The following ARID5B variants were observed in gnomAD, a reference collection of about 807,000 sequenced individuals.
ARID5B encodes the protein AT-rich interaction domain 5B.
In ARID5B, 13 loss-of-function variants were observed where a neutral mutation model predicts 97.2. That is an observed-to-expected ratio of 0.13 (90% CI 0.09 to 0.21). The LOEUF is 0.21. ARID5B is among the 10% of genes least tolerant of loss of function. The pLI, the probability that ARID5B is intolerant of heterozygous loss-of-function variation, is 1.00. For synonymous variants in ARID5B, 556 were observed against 570.3 expected (o/e 0.97, Z 0.36); for missense variants, 1,210 against 1,465.3 (o/e 0.83, Z 2.84).
rs149399114 is a variant in ARID5B, at chr10:61,969,754, G to C, written c.502+29346G>C. Among the ~76,000 whole-genome samples, 711 of 152,240 alleles carry C rather than the reference G, an allele frequency of 4.7e-3. 3 individuals carry two copies. The highest frequency in any genetic ancestry group is 7.5e-3 in the South Asian group (36 of 4,822). The stretch of plus-strand genomic sequence containing the variant: ...TTCATATTCTATTGTCTCACAATCA[G>C]AATAAATTGGCATTTTCCTCACTCA... On this transcript the variant is annotated intron_variant, in intron 3 of 9. Coordinates refer to ENST00000279873, the MANE Select transcript of ARID5B (RefSeq NM_032199.3).
At chr10:62,060,645 G>T (rs546394127) in intron 7 of ARID5B, among the ~76,000 whole-genome samples, 1 of 151,942 alleles carries the variant, frequency 6.6e-6, no homozygotes, top group Non-Finnish European at 1.5e-5. Context: ...CCTCATTCAT[G>T]TAAAAAAAAA....
intron 3 of ARID5B, among the ~76,000 whole-genome samples, chr10:61,988,355 T>G (rs1476828026): frequency 1.3e-5 from 2 of 152,250 alleles, no homozygotes; most frequent in Non-Finnish European, 2.9e-5. Context: ...TGGCACCAAG[T>G]GAACCTGTAG....
chr10:61,996,229 G>A (rs1838993827), intron 3 of ARID5B, among the ~76,000 whole-genome samples: 1 of 152,120 alleles, frequency 6.6e-6, no homozygotes, highest in African/African-American at 2.4e-5. Flanking sequence ...AACCTAAGGA[G>A]AGTAGAATTC....
chr10:61,912,648 G>A (rs1245918402), intron 2 of ARID5B, among the ~76,000 whole-genome samples: 1 of 149,222 alleles, frequency 6.7e-6, no homozygotes, highest in Non-Finnish European at 1.5e-5. Context: ...ATAATTATGT[G>A]TGTATATATA....
chr10:61,975,901 C>T (rs1015599593), intron 3 of ARID5B, among the ~76,000 whole-genome samples: 1 of 152,130 alleles, frequency 6.6e-6, no homozygotes, highest in Admixed American at 6.5e-5. Context: ...ATAGCTATTT[C>T]TTTGTATTTA....
At chr10:61,977,062 A>T (rs1838710447) in intron 3 of ARID5B, among the ~76,000 whole-genome samples, 1 of 151,954 alleles carries the variant, frequency 6.6e-6, no homozygotes, top group Non-Finnish European at 1.5e-5. Context: ...TCCTGTGTCC[A>T]AGTGTTCTCA....
chr10:62,043,365 C>G (rs1441248965), intron 4 of ARID5B, among the ~76,000 whole-genome samples: 2 of 152,128 alleles, frequency 1.3e-5, no homozygotes, highest in Non-Finnish European at 2.9e-5. Flanking sequence ...TTGTGGACAC[C>G]CCTATTATAC....
chr10:62,050,831 A>G (rs959803267), intron 4 of ARID5B, 57 bp from the exon 5 acceptor site: 6 of 1,449,454 alleles, frequency 4.1e-6, no homozygotes, highest in Non-Finnish European at 4.8e-6. Context: ...CTGGGTCTTT[A>G]ATAAAGAAAC....
chr10:62,028,624 A>G (rs957614630), intron 4 of ARID5B, among the ~76,000 whole-genome samples: 3 of 152,068 alleles, frequency 2.0e-5, no homozygotes, highest in African/African-American at 7.2e-5. Flanking sequence ...CTTCAAGGGG[A>G]TATATTATAT....
At chr10:61,991,615 C>T (rs150099433) in intron 3 of ARID5B, among the ~76,000 whole-genome samples, 1 of 152,284 alleles carries the variant, frequency 6.6e-6, no homozygotes, top group African/African-American at 2.4e-5. Context: ...TCCCCCTCTC[C>T]AAGACTGTCT....
At chr10:61,906,247 A>G (rs2132752184) in intron 2 of ARID5B, among the ~76,000 whole-genome samples, 1 of 152,254 alleles carries the variant, frequency 6.6e-6, no homozygotes, top group Non-Finnish European at 1.5e-5. Context: ...GTCTGTGTGG[A>G]GGTTCTTGGA....
At chr10:62,008,061 A>AACACACACACACACACACAC (rs369982502) in intron 4 of ARID5B, among the ~76,000 whole-genome samples, 5 of 66,530 alleles carry the variant, frequency 7.5e-5, no homozygotes, top group African/African-American at 2.8e-4. Flanking sequence ...CCCGCCCCAC[A>AACACACACACACACACACAC]ACACACACAC....
intron 3 of ARID5B, among the ~76,000 whole-genome samples, chr10:61,979,987 G>T (rs781638613): frequency 1.3e-5 from 2 of 152,156 alleles, no homozygotes; most frequent in Non-Finnish European, 1.5e-5. Flanking sequence ...CAGTTACTCA[G>T]GAGGCTGAGG....
At chr10:62,026,534 C>T (rs898308318) in intron 4 of ARID5B, among the ~76,000 whole-genome samples, 2 of 152,188 alleles carry the variant, frequency 1.3e-5, no homozygotes, top group African/African-American at 4.8e-5. Flanking sequence ...ATGAATCCTT[C>T]TTGTCAGATT....
rs1479332809 is a variant in ARID5B, at chr10:62,096,277, G to A, written c.*3247G>A. 4.3e-6 allele frequency: 1 copy of A among 233,528 alleles called. No homozygotes were observed. Among genetic ancestry groups the A allele is most frequent in the African/African-American group, 2.2e-5 (1 of 45,304 alleles). 14.5% of individuals were successfully genotyped at this position (233,528 alleles called of 1,614,324 possible). Reference sequence around the variant, plus strand: ...ATTTCACTGTGTTGGTGTGTCTGATGGAAATTTCGAGGTGGTCCCACAAAA... The same window carrying A: ...ATTTCACTGTGTTGGTGTGTCTGATAGAAATTTCGAGGTGGTCCCACAAAA... On this transcript the variant is annotated 3_prime_UTR_variant, in exon 10 of 10. Transcript: ENST00000279873.
chr10:62,050,366 C>T (rs1459272874), intron 4 of ARID5B, among the ~76,000 whole-genome samples: 1 of 152,060 alleles, frequency 6.6e-6, no homozygotes, highest in Non-Finnish European at 1.5e-5. Context: ...TGTGAATGCC[C>T]CTCTCTCTAT....
intron 3 of ARID5B, among the ~76,000 whole-genome samples, chr10:61,990,108 C>T (rs544090354): frequency 1.5e-3 from 229 of 152,284 alleles, no homozygotes; most frequent in Non-Finnish European, 2.2e-3. Flanking sequence ...ATTTTGAAGA[C>T]CACTGATTTA....
intron 2 of ARID5B, among the ~76,000 whole-genome samples, chr10:61,909,077 C>A (rs182433388): frequency 1.3e-5 from 2 of 152,264 alleles, no homozygotes; most frequent in Non-Finnish European, 2.9e-5. Context: ...CTATTCTAGG[C>A]CCTGGGGATG....
intron 4 of ARID5B, among the ~76,000 whole-genome samples, chr10:62,031,228 C>T (rs1373486870): frequency 1.3e-5 from 2 of 152,004 alleles, no homozygotes; most frequent in Non-Finnish European, 2.9e-5. Context: ...AGCGAGACTC[C>T]GTCTCAAAAA....
Sources: allele counts gnomAD v4.1 joint callset (sites outside exome capture counted in the v4.1 genomes callset), GRCh38; gene constraint gnomAD v4.1.1; transcripts MANE v1.5; gene names NCBI Gene and HGNC (gene_info 2026-07-23, HGNC 2026-07-21).